Variants in PCDHA9 observed in about 807,000 individuals in gnomAD.
PCDHA9 encodes protocadherin alpha-9.
In PCDHA9, 62 loss-of-function variants were observed where a neutral mutation model predicts 62.0. The ratio of observed to expected loss-of-function variants is 1.00; its 90% CI spans 0.81 to 1.23. The LOEUF (loss-of-function observed/expected upper bound fraction) is 1.23. Among genes scored for constraint, PCDHA9 ranks in the 50% most tolerant of loss-of-function variants. PCDHA9 has a pLI of 0.00. For missense variants in PCDHA9, 1,205 were observed against 1,249.8 expected (o/e 0.96, Z 0.54); for synonymous variants, 557 against 567.6 (o/e 0.98, Z 0.27).
intron 1 of PCDHA9, chr5:140,869,624 A>G: frequency 6.2e-7 from 1 of 1,613,850 alleles, no homozygotes; most frequent in African/African-American, 1.3e-5. Flanking sequence ...AGGCTAAGTA[A>G]AAATGAGTAT....
chr5:140,862,341 T>G, intron 1 of PCDHA9: 1 of 331,140 alleles, frequency 3.0e-6, no homozygotes, highest in Non-Finnish European at 6.0e-6. Flanking sequence ...GACCCTAACT[T>G]CAGTGCCAAG....
intron 3 of PCDHA9, among the ~76,000 whole-genome samples, chr5:141,000,393 C>CTATA (rs1563650230): frequency 1.3e-4 from 7 of 52,858 alleles, no homozygotes; most frequent in Admixed American, 2.8e-4. Context: ...CTCTCTCTCT[C>CTATA]TCTATATATA....
rs868958947 is a variant in PCDHA9 at position 140,854,334 on chromosome 5, C to T, written c.2394+3445C>T. On this transcript the variant is annotated intron_variant, in intron 1 of 3. Transcript: ENST00000532602. ...ATTGATCAATGGCAAACTTATTTTA[C>T]GCTCCAGATAGCTAAAACAAACGTT... The T allele has an allele frequency of 4.5e-5, 9 of 198,856 alleles. 1 individual carries two copies. The highest frequency in any genetic ancestry group is 1.9e-4 in the East Asian group (1 of 5,382). The allele number at this position is 198,856 out of a possible 1,614,324, so 12.3% of individuals were successfully genotyped here. A position where few individuals can be genotyped will look rare whatever the true frequency, so the allele number is the denominator to read the frequency against.
chr5:140,965,323 G>A (rs2095891055), intron 1 of PCDHA9, among the ~76,000 whole-genome samples: 1 of 152,176 alleles, frequency 6.6e-6, no homozygotes, highest in South Asian at 2.1e-4. Flanking sequence ...TTTTACTGAA[G>A]TGAATTTGTT....
chr5:140,857,740 G>A (rs1019130313), intron 1 of PCDHA9: 1 of 1,597,496 alleles, frequency 6.3e-7, no homozygotes, highest in African/African-American at 1.3e-5. Flanking sequence ...CTCCCGCGCT[G>A]CTGGCGTCTC....
At chr5:140,941,042 T>C (rs532611705) in intron 1 of PCDHA9, among the ~76,000 whole-genome samples, 11 of 152,310 alleles carry the variant, frequency 7.2e-5, no homozygotes, top group African/African-American at 2.2e-4. Context: ...TGGTGCCAAG[T>C]CAAATTCCCC....
At chr5:141,003,245 A>T (rs1554258962) in intron 3 of PCDHA9, among the ~76,000 whole-genome samples, 1 of 152,216 alleles carries the variant, frequency 6.6e-6, no homozygotes, top group African/African-American at 2.4e-5. Context: ...TTTGCCAAAA[A>T]GATTCCTGGG....
intron 1 of PCDHA9, chr5:140,876,480 C>A (rs368324550): frequency 6.2e-7 from 1 of 1,613,992 alleles, no homozygotes; most frequent in Non-Finnish European, 8.5e-7. Context: ...ACAGCATGGT[C>A]CTGGTGGAAG....
intron 1 of PCDHA9, chr5:140,853,446 T>C: frequency 1.0e-6 from 1 of 980,482 alleles, no homozygotes; most frequent in Non-Finnish European, 1.2e-6. Context: ...TTTTGCCTAA[T>C]AGGTCTCCTT....
At chr5:140,929,592 C>A in intron 1 of PCDHA9, 1 of 424,552 alleles carries the variant, frequency 2.4e-6, no homozygotes, top group Non-Finnish European at 4.2e-6. Flanking sequence ...ACATAAAGGT[C>A]TAAAATTAAA....
intron 3 of PCDHA9, among the ~76,000 whole-genome samples, chr5:140,991,251 A>G (rs2097441392): frequency 6.6e-6 from 1 of 152,306 alleles, no homozygotes; most frequent in South Asian, 2.1e-4. Context: ...GCAGTATTTG[A>G]ACTCATGTCT....
In PCDHA9 at chr5:140,850,602, G is replaced by T. The variant is rs146973370; in HGVS notation, c.2107G>T (p.Ala703Ser). ...GGATGTCAACGTGTACCTGATCATC[G>T]CCATCTGCGCGGTGTCTAGCCTGTT... ...LVDVNVYLII[A>S]ICAVSSLLVL... Residue 703 changes from alanine to serine, a missense_variant, in exon 1 of 4, where the codon GCC becomes TCC. By Grantham distance (99) the Ala-to-Ser change is moderately conservative. This residue lies in a region of PCDHA9 where 887 missense variants were observed against 809.5 expected (regional missense o/e 1.10). Coordinates refer to ENST00000532602, the MANE Select transcript of PCDHA9 (RefSeq NM_031857.2). 1.5e-4 allele frequency: 240 copies of T among 1,598,420 alleles called. 25 individuals carry two copies. The highest frequency in any genetic ancestry group is 1.8e-4 in the Non-Finnish European group (209 of 1,167,886).
chr5:140,907,761 T>C (rs1554193135), intron 1 of PCDHA9, among the ~76,000 whole-genome samples: 4 of 152,182 alleles, frequency 2.6e-5, no homozygotes, highest in African/African-American at 9.7e-5. Flanking sequence ...ATGGGCCCAT[T>C]GGGTGATGAC....
chr5:140,955,976 G>A (rs2095244273), intron 1 of PCDHA9, among the ~76,000 whole-genome samples: 1 of 152,180 alleles, frequency 6.6e-6, no homozygotes, highest in South Asian at 2.1e-4. Flanking sequence ...AGGAATGCTA[G>A]CAATTTTTGC....
chr5:140,855,908 C>T, intron 1 of PCDHA9: 1 of 1,151,190 alleles, frequency 8.7e-7, no homozygotes, highest in Non-Finnish European at 1.2e-6. Context: ...GCCAGTTTCT[C>T]AAGGACTAGG....
intron 1 of PCDHA9, among the ~76,000 whole-genome samples, chr5:140,959,594 A>G (rs1420498368): frequency 6.6e-6 from 1 of 152,220 alleles, no homozygotes; most frequent in African/African-American, 2.4e-5. Flanking sequence ...TCAGCCAAGT[A>G]TAACATGCTT....
intron 1 of PCDHA9, chr5:140,966,814 C>T: frequency 1.9e-6 from 3 of 1,552,444 alleles, no homozygotes; most frequent in East Asian, 2.4e-5. Context: ...ATCCACGGCT[C>T]CGGCGGCCCA....
chr5:140,952,010 C>A (rs1188540877), intron 1 of PCDHA9, among the ~76,000 whole-genome samples: 2 of 152,128 alleles, frequency 1.3e-5, no homozygotes, highest in Non-Finnish European at 2.9e-5. Flanking sequence ...GAATTATAGG[C>A]CCCATGCAAG....
intron 1 of PCDHA9, chr5:140,866,026 C>T (rs1273078600): frequency 7.9e-5 from 12 of 151,914 alleles, no homozygotes; most frequent in Admixed American, 4.6e-4. Context: ...TGTAAGAGTT[C>T]GTGATCATCA....
Sources: gnomAD v4.1 joint callset for allele counts (sites outside exome capture counted in the v4.1 genomes callset) on GRCh38, gnomAD v4.1.1 for gene constraint, gnomAD v4.1.1 regional missense constraint, MANE v1.5 for transcripts, NCBI Gene and HGNC (gene_info 2026-07-23, HGNC 2026-07-21) for gene names.